The following CNTN3 variants were observed in gnomAD, a reference collection of about 807,000 sequenced individuals.
CNTN3 encodes the protein contactin 3, also known as contactin-3.
Under a neutral mutation model 119.1 loss-of-function variants are expected in CNTN3, and 60 were observed. The ratio of observed to expected loss-of-function variants is 0.50; its 90% confidence interval spans 0.41 to 0.62. The LOEUF (loss-of-function observed/expected upper bound fraction) is 0.62, where lower values mean the gene tolerates loss of function less well. Among genes scored for constraint, CNTN3 ranks in the 20% least tolerant of loss-of-function variants. CNTN3 has a pLI of 0.00. For synonymous variants in CNTN3, 450 were observed against 438.7 expected (o/e 1.03, Z -0.32); for missense variants, 1,101 against 1,242.4 (o/e 0.89, Z 1.71).
intron 13 of CNTN3, among the ~76,000 whole-genome samples, chr3:74,321,128 A>G (rs1702977985): frequency 6.6e-6 from 1 of 152,096 alleles, no homozygotes; most frequent in Non-Finnish European, 1.5e-5. Flanking sequence ...ACTGGAGAAT[A>G]CAAGAGGGAG....
rs776657829 is a variant in CNTN3 at position 74,366,482 on chromosome 3, C to G, written c.947-780G>C. On this transcript the variant is annotated intron_variant, in intron 8 of 22. Coordinates refer to ENST00000263665, the MANE Select transcript of CNTN3 (RefSeq NM_020872.3). ...CTATATACAGTATATCCAGCCAAGTCTCAGCTTGTGTTTTAAATCCAAAAC... is the reference window on the plus strand; with the variant it reads ...CTATATACAGTATATCCAGCCAAGTGTCAGCTTGTGTTTTAAATCCAAAAC... Among the ~76,000 whole-genome samples, 63 of 152,032 alleles carry G rather than the reference C, an allele frequency of 4.1e-4. 2 individuals are homozygous for G. Among genetic ancestry groups the G allele is most frequent in the Middle Eastern group, 3.4e-3 (1 of 290 alleles).
chr3:74,415,526 G>A (rs1047735869), intron 5 of CNTN3, among the ~76,000 whole-genome samples: 1 of 152,078 alleles, frequency 6.6e-6, no homozygotes, highest in African/African-American at 2.4e-5. Flanking sequence ...CCTTGCATCA[G>A]TTTCATTACT....
chr3:74,284,153 T>C (rs919882793), intron 20 of CNTN3, among the ~76,000 whole-genome samples: 2 of 152,116 alleles, frequency 1.3e-5, no homozygotes, highest in East Asian at 1.9e-4. Flanking sequence ...AAGTTAACCA[T>C]AAAAAATGCT....
At chr3:74,397,574 T>A (rs1480620891) in intron 5 of CNTN3, among the ~76,000 whole-genome samples, 1 of 151,990 alleles carries the variant, frequency 6.6e-6, no homozygotes, top group Non-Finnish European at 1.5e-5. Context: ...GCAAATAATA[T>A]TGAAAATAGG....
chr3:74,526,999 C>T (rs1237694708), intron 1 of CNTN3, among the ~76,000 whole-genome samples: 1 of 151,864 alleles, frequency 6.6e-6, no homozygotes, highest in African/African-American at 2.4e-5. Context: ...CAGACATAAG[C>T]TAACTTGTGT....
At chr3:74,458,387 T>G (rs1702306910) in intron 4 of CNTN3, among the ~76,000 whole-genome samples, 2 of 152,178 alleles carry the variant, frequency 1.3e-5, no homozygotes, top group African/African-American at 4.8e-5. Context: ...AAATGGCTTG[T>G]ATATTTTAAG....
At chr3:74,513,850 T>A (rs537564151) in intron 2 of CNTN3, among the ~76,000 whole-genome samples, 1 of 151,912 alleles carries the variant, frequency 6.6e-6, no homozygotes, top group Non-Finnish European at 1.5e-5. Flanking sequence ...CCAGATGGTA[T>A]AAAGAGAAAG....
At chr3:74,465,949 C>T (rs2106987002) in intron 4 of CNTN3, among the ~76,000 whole-genome samples, 1 of 152,226 alleles carries the variant, frequency 6.6e-6, no homozygotes, top group African/African-American at 2.4e-5. Context: ...ATACCAAGGC[C>T]TGAAGGCACC....
chr3:74,418,647 C>T (rs1559592124), intron 5 of CNTN3, among the ~76,000 whole-genome samples: 1 of 151,318 alleles, frequency 6.6e-6, no homozygotes, highest in Non-Finnish European at 1.5e-5. Flanking sequence ...AGCTAGAAAG[C>T]ATATTCTTTC....
intron 4 of CNTN3, among the ~76,000 whole-genome samples, chr3:74,465,541 A>G (rs1702446329): frequency 6.6e-6 from 1 of 152,212 alleles, no homozygotes; most frequent in Admixed American, 6.5e-5. Context: ...AGAATCTAGA[A>G]AGAATGATAA....
At chr3:74,595,718 C>A (rs1400968785) in intron 1 of CNTN3, among the ~76,000 whole-genome samples, 9 of 152,070 alleles carry the variant, frequency 5.9e-5, no homozygotes, top group African/African-American at 2.2e-4. Context: ...CTATGACAAA[C>A]CCACAGCCAA....
At chr3:74,518,213 T>C (rs1421166170) in intron 2 of CNTN3, among the ~76,000 whole-genome samples, 1 of 151,968 alleles carries the variant, frequency 6.6e-6, no homozygotes, top group Non-Finnish European at 1.5e-5. Flanking sequence ...GAGTAATCAA[T>C]GATCAAGGTT....
intron 9 of CNTN3, 119 bp downstream of exon 9, chr3:74,365,447 T>G (rs1704165782): frequency 1.5e-6 from 2 of 1,291,186 alleles, no homozygotes; most frequent in Non-Finnish European, 2.2e-6. Context: ...AAGGAAAGTG[T>G]GCAAACTCAA....
At chr3:74,494,676 A>C (rs1012641464) in intron 3 of CNTN3, among the ~76,000 whole-genome samples, 1 of 152,098 alleles carries the variant, frequency 6.6e-6, no homozygotes, top group Non-Finnish European at 1.5e-5. Context: ...CTGAAATATA[A>C]TACAATCCCA....
At chr3:74,363,938 C>G (rs1175467918) in intron 10 of CNTN3, among the ~76,000 whole-genome samples, 1 of 152,030 alleles carries the variant, frequency 6.6e-6, no homozygotes, top group Non-Finnish European at 1.5e-5. Flanking sequence ...TTGCTTTAAA[C>G]ATGATAGAAC....
chr3:74,598,459 A>C (rs1704849090), intron 1 of CNTN3, among the ~76,000 whole-genome samples: 1 of 152,094 alleles, frequency 6.6e-6, no homozygotes, highest in Non-Finnish European at 1.5e-5. Flanking sequence ...AATTGTAGGT[A>C]ATAAAGTAAA....
chr3:74,592,009 A>G (rs1017680698), intron 1 of CNTN3, among the ~76,000 whole-genome samples: 34 of 151,918 alleles, frequency 2.2e-4, no homozygotes, highest in Non-Finnish European at 5.0e-4. Flanking sequence ...AAGCAAGGGA[A>G]GAAGGCTAAA....
chr3:74,434,365 C>A (rs570745889), intron 4 of CNTN3, among the ~76,000 whole-genome samples: 5 of 152,334 alleles, frequency 3.3e-5, no homozygotes, highest in African/African-American at 9.6e-5. Context: ...GGTTTCATAA[C>A]GATTCCTGTT....
intron 5 of CNTN3, among the ~76,000 whole-genome samples, chr3:74,390,085 C>T (rs1015745257): frequency 9.2e-5 from 14 of 152,112 alleles, no homozygotes; most frequent in African/African-American, 1.7e-4. Context: ...TGAAATGGTA[C>T]GAGGAATTAT....
Sources: allele counts gnomAD v4.1 joint callset (sites outside exome capture counted in the v4.1 genomes callset), GRCh38; gene constraint gnomAD v4.1.1; transcripts MANE v1.5; gene names NCBI Gene and HGNC (gene_info 2026-07-23, HGNC 2026-07-21).